The following ARL5A variants were observed in gnomAD, a reference collection of about 807,000 sequenced individuals.
The protein encoded by ARL5A is ARF like GTPase 5A.
A neutral mutation model predicts 25.9 loss-of-function variants in ARL5A; 18 were observed. The observed-to-expected ratio is 0.69, with a 90% CI of 0.48 to 1.03. The LOEUF (loss-of-function observed/expected upper bound fraction) is 1.03, where lower values mean the gene tolerates loss of function less well. Ranked by LOEUF, ARL5A falls within the 50% of genes least tolerant of loss-of-function variation. ARL5A has a pLI of 0.00. For synonymous variants in ARL5A, 61 were observed against 67.5 expected, an observed-to-expected ratio of 0.90 and a Z score of 0.47; for missense variants, 170 against 211.9, an observed-to-expected ratio of 0.80 and a Z score of 1.23.
At chr2:151,803,374 G>A (rs757878759) in intron 5 of ARL5A, 50 bp from the exon 6 acceptor site, 1 of 1,387,344 alleles carries the variant, frequency 7.2e-7, no homozygotes, top group Non-Finnish European at 1.0e-6. Context: ...AAGAAGCTAT[G>A]AGCAGCAAAC....
Position 151,800,175 on chromosome 2 carries a change from AT to A in ARL5A, c.*3100del, listed in dbSNP as rs1165775324. On this transcript the variant is annotated 3_prime_UTR_variant, in exon 6 of 6. Coordinates refer to ENST00000295087, the MANE Select transcript of ARL5A (RefSeq NM_012097.4). ...TCCAGAGAAAACTAGAAAGTTGTCT[AT>A]AGATTTTCTATTTACACTAATATAA... is the stretch of plus-strand genomic sequence containing the variant. 6.6e-6 allele frequency: 1 copy of A among 152,232 alleles called. No individual in the cohort carries two copies. Among genetic ancestry groups the A allele is most frequent in the Non-Finnish European group, 1.5e-5 (1 of 68,048 alleles). 9.4% of individuals were successfully genotyped at this position (152,232 alleles called of 1,614,324 possible).
chr2:151,827,484 A>C (rs1407006884), intron 1 of ARL5A: 2 of 152,232 alleles, frequency 1.3e-5, no homozygotes, highest in East Asian at 3.8e-4. Flanking sequence ...AATAACCCAC[A>C]CGAGTAGAAA....
At chr2:151,815,922 TTCCAGCCTG>T (rs146695499) in intron 1 of ARL5A, among the ~76,000 whole-genome samples, 14,444 of 152,202 alleles carry the variant, frequency 0.095, 881 homozygotes, top group African/African-American at 0.17. Context: ...ACCCATCTAT[TTCCAGCCTG>T]TCCGAAAGCA....
chr2:151,816,532 C>T (rs996230976), intron 1 of ARL5A, among the ~76,000 whole-genome samples: 4 of 152,138 alleles, frequency 2.6e-5, no homozygotes, highest in Admixed American at 1.3e-4. Context: ...ATATTAATGG[C>T]ATTATATGAC....
At chr2:151,814,116 A>G (rs1430698829) in intron 3 of ARL5A, 53 bp downstream of exon 3, 1 of 1,458,042 alleles carries the variant, frequency 6.9e-7, no homozygotes, top group Non-Finnish European at 9.2e-7. Flanking sequence ...TCAAATCTAG[A>G]TGTTTTCCAA....
rs754523394 is a variant in ARL5A at position 151,828,139 on chromosome 2, T to C, written c.38A>G (p.Asn13Ser). ...CGGACCGAGCTCCTCACCCTGGTGA[T>C]TGAACAGTCTCCATATTCTAGTGAA... ...ILFTRIWRLF[N>S]HQEHKVIIVG... is the part of the protein sequence containing the mutation. Residue 13 changes from asparagine to serine, a missense_variant, in exon 1 of 6, where the codon AAT becomes AGT. Asn to Ser is a conservative substitution (Grantham distance 46). Coordinates refer to ENST00000295087, the MANE Select transcript of ARL5A (RefSeq NM_012097.4). The C allele has an allele frequency of 8.1e-6, 13 of 1,610,194 alleles. No individual in the cohort carries two copies. The highest frequency in any genetic ancestry group is 1.7e-5 in the Admixed American group (1 of 59,634).
Position 151,803,282 on chromosome 2 carries a change from A to C in ARL5A, c.534T>G (p.Ile178Met), listed in dbSNP as rs1321074798. Residue 178 changes from isoleucine (I) to methionine (M), a missense_variant, in exon 6 of 6, where the codon ATT becomes ATG. Physicochemically the swap from Ile to Met is conservative, Grantham distance 10. Coordinates refer to ENST00000295087, the MANE Select transcript of ARL5A (RefSeq NM_012097.4). ...GLEWMMSRLK[I>M]R Reference sequence around the variant, plus strand: ...GAGAAGAGGTCAGTAGAGATCATCTAATCTTAAGTCGTGACATCATCCATT... The same window carrying C: ...GAGAAGAGGTCAGTAGAGATCATCTCATCTTAAGTCGTGACATCATCCATT... 1 of 1,612,128 alleles carries C rather than the reference A, an allele frequency of 6.2e-7. No homozygotes were observed. Among genetic ancestry groups the C allele is most frequent in the Admixed American group, 1.7e-5 (1 of 60,002 alleles).
Position 151,799,145 on chromosome 2 carries a change from C to G in ARL5A, c.*4131G>C, listed in dbSNP as rs898590297. 7.2e-5 allele frequency: 11 copies of G among 152,118 alleles called. No homozygotes were observed. The highest frequency in any genetic ancestry group is 2.7e-4 in the African/African-American group (11 of 41,420). The allele number at this position is 152,118 out of a possible 1,614,324, so 9.4% of individuals were successfully genotyped here. On this transcript the variant is annotated 3_prime_UTR_variant, in exon 6 of 6. Transcript: ENST00000295087. ...GTCTTAAAATAATCTATCGCACATT[C>G]TTTGAGGGAGCATGATATACAAGTT...
chr2:151,814,334 T>C lies in ARL5A; in HGVS notation c.108-18A>G, dbSNP rs2099831218. The C allele has an allele frequency of 1.4e-6, 2 of 1,473,254 alleles. No homozygotes were observed. Among genetic ancestry groups the C allele is most frequent in the African/African-American group, 1.5e-5 (1 of 68,892 alleles). 91.3% of individuals were successfully genotyped at this position (1,473,254 alleles called of 1,614,324 possible). A position where few individuals can be genotyped will look rare whatever the true frequency, so the allele number is the denominator to read the frequency against. ...TCATAGAACTGGGGAAAAAAGTTTA[T>C]ATACATTACAATTAGCAAGGAAGCT... On this transcript the variant is annotated intron_variant, in intron 2 of 5. Transcript: ENST00000295087.
intron 1 of ARL5A, among the ~76,000 whole-genome samples, chr2:151,817,219 G>A (rs2099831630): frequency 6.6e-6 from 1 of 152,176 alleles, no homozygotes; most frequent in South Asian, 2.1e-4. Context: ...AGCTTTCCAT[G>A]TAGAATCACT....
chr2:151,806,693 T>G, intron 5 of ARL5A, 128 bp downstream of exon 5: 1 of 899,740 alleles, frequency 1.1e-6, no homozygotes, highest in Admixed American at 3.5e-5. Context: ...AGACATGAAC[T>G]ACAGCTTACG....
At chr2:151,807,144 A>G (rs889758610) in intron 4 of ARL5A, among the ~76,000 whole-genome samples, 172 bp from the exon 5 acceptor site, 27 of 152,156 alleles carry the variant, frequency 1.8e-4, no homozygotes, top group African/African-American at 5.6e-4. Flanking sequence ...ATGTGTTTAC[A>G]TATTTCTTAT....
At chr2:151,810,258 T>A (rs2099830663) in intron 4 of ARL5A, 1 of 153,190 alleles carries the variant, frequency 6.5e-6, no homozygotes, top group Non-Finnish European at 1.5e-5. Context: ...ATTTTTACAG[T>A]TTTGTATTTT....
In ARL5A at chr2:151,818,672, G is replaced by C. The variant is rs115523274; in HGVS notation, c.47-3473C>G. On this transcript the variant is annotated intron_variant, in intron 1 of 5. Transcript: ENST00000295087. ...TTTGCACCTAGAAAGTTTTTAAATA[G>C]CATGGCAATTCTGCCTAACTCCATT... 1.5e-3 allele frequency among the ~76,000 whole-genome samples: 225 copies of C among 152,302 alleles called. 1 individual carries two copies. The highest frequency in any genetic ancestry group is 2.6e-3 in the Non-Finnish European group (177 of 68,014).
chr2:151,803,492 T>C (rs2099829696), intron 5 of ARL5A, among the ~76,000 whole-genome samples, 168 bp from the exon 6 acceptor site: 1 of 152,210 alleles, frequency 6.6e-6, no homozygotes. Flanking sequence ...CATATTCTCA[T>C]ACACAATACA....
At chr2:151,817,549 C>T (rs2099831680) in intron 1 of ARL5A, among the ~76,000 whole-genome samples, 1 of 152,140 alleles carries the variant, frequency 6.6e-6, no homozygotes, top group African/African-American at 2.4e-5. Flanking sequence ...TCCTATTATA[C>T]AAAAATAGGA....
intron 1 of ARL5A, among the ~76,000 whole-genome samples, chr2:151,825,642 G>C (rs79887632): frequency 6.6e-6 from 1 of 152,198 alleles, no homozygotes; most frequent in African/African-American, 2.4e-5. Context: ...AGCTGTTCTC[G>C]AGGGGTTTCA....
At chr2:151,827,906 T>C in intron 1 of ARL5A, 2 of 552,638 alleles carry the variant, frequency 3.6e-6, no homozygotes, top group Non-Finnish European at 6.4e-6. Flanking sequence ...CGGAAAAGAC[T>C]TCTTAGGAAG....
intron 3 of ARL5A, among the ~76,000 whole-genome samples, chr2:151,813,726 CTA>C (rs1270217026): frequency 1.3e-5 from 2 of 152,146 alleles, no homozygotes; most frequent in African/African-American, 4.8e-5. Flanking sequence ...AAAGATATGA[CTA>C]TGTCTAAAAT....
Sources: gnomAD v4.1 joint callset for allele counts (sites outside exome capture counted in the v4.1 genomes callset) on GRCh38, gnomAD v4.1.1 for gene constraint, MANE v1.5 for transcripts, NCBI Gene and HGNC (gene_info 2026-07-23, HGNC 2026-07-21) for gene names.